CHLSN: variants seen among roughly 807,000 people sequenced by gnomAD.
CHLSN encodes the protein protein cholesin.
At chr7:1,118,149 T>C in the CHLSN span, among the ~76,000 whole-genome samples, 1 of 152,230 alleles carries the variant, frequency 6.6e-6, no homozygotes, top group South Asian at 2.1e-4. Context: ...GCTTCTGGGT[T>C]AAGCCAGAAA....
the CHLSN span, among the ~76,000 whole-genome samples, chr7:1,022,579 C>T: frequency 1.3e-5 from 2 of 152,220 alleles, no homozygotes; most frequent in African/African-American, 4.8e-5. Flanking sequence ...CCTCCCACGG[C>T]AACCCTCGCA....
At chr7:1,028,334 C>T in the CHLSN span, 8 of 1,022,956 alleles carry the variant, frequency 7.8e-6, no homozygotes, top group South Asian at 3.2e-5. Context: ...CACCGCCCGG[C>T]CCGCGCCTCC....
the CHLSN span, among the ~76,000 whole-genome samples, chr7:1,130,818 C>T: frequency 6.6e-5 from 10 of 152,196 alleles, no homozygotes; most frequent in African/African-American, 2.2e-4. Flanking sequence ...GCCTCCAGCC[C>T]GGACGGCTCA....
At chr7:1,012,221 C>T in the CHLSN span, among the ~76,000 whole-genome samples, 156 of 152,338 alleles carry the variant, frequency 1.0e-3, no homozygotes, top group Middle Eastern at 3.4e-3. Flanking sequence ...CCGCGGTGGC[C>T]GAGGGTCTGT....
At chr7:1,040,716 A>G in the CHLSN span, among the ~76,000 whole-genome samples, 1 of 151,270 alleles carries the variant, frequency 6.6e-6, no homozygotes, top group Admixed American at 6.6e-5. Flanking sequence ...GATAAATTAG[A>G]CTTCACCAAA....
At chr7:1,048,589 C>T in the CHLSN span, among the ~76,000 whole-genome samples, 4 of 152,102 alleles carry the variant, frequency 2.6e-5, no homozygotes, top group South Asian at 2.1e-4. Context: ...AAGTTAGCCC[C>T]GGGTTTCAGC....
chr7:983,334 C>A, the CHLSN span: 1 of 1,539,190 alleles, frequency 6.5e-7, no homozygotes. Context: ...TGCCGCTCGT[C>A]GGGAACCTGC....
At chr7:1,110,693 A>G in the CHLSN span, among the ~76,000 whole-genome samples, 1 of 152,258 alleles carries the variant, frequency 6.6e-6, no homozygotes, top group Non-Finnish European at 1.5e-5. Flanking sequence ...GGCAAAAGCC[A>G]TAAACACAAA....
At chr7:1,010,703 C>T in the CHLSN span, among the ~76,000 whole-genome samples, 1 of 152,168 alleles carries the variant, frequency 6.6e-6, no homozygotes, top group Non-Finnish European at 1.5e-5. Flanking sequence ...AATGTGTCCC[C>T]AGCCACATCT....
chr7:993,236 A>C, the CHLSN span, among the ~76,000 whole-genome samples: 1 of 152,082 alleles, frequency 6.6e-6, no homozygotes. Context: ...GCGCGTGGAG[A>C]GAGCGCCCGT....
At chr7:1,000,595 C>A in the CHLSN span, 2 of 1,509,278 alleles carry the variant, frequency 1.3e-6, no homozygotes, top group Non-Finnish European at 1.8e-6. Flanking sequence ...GGGCAAAAGA[C>A]TCCCGGGCAG....
At chr7:1,109,138 C>T in the CHLSN span, among the ~76,000 whole-genome samples, 2 of 152,044 alleles carry the variant, frequency 1.3e-5, no homozygotes, top group Admixed American at 6.6e-5. Flanking sequence ...CTCAGGTGAT[C>T]CACCCGCCAC....
At chr7:1,050,981 G>A in the CHLSN span, among the ~76,000 whole-genome samples, 7 of 152,252 alleles carry the variant, frequency 4.6e-5, no homozygotes, top group African/African-American at 7.2e-5. Context: ...GGGATGGACA[G>A]ATTGGCTGAG....
At chr7:1,018,466 G>A in the CHLSN span, among the ~76,000 whole-genome samples, 2 of 151,992 alleles carry the variant, frequency 1.3e-5, no homozygotes, top group African/African-American at 4.8e-5. Context: ...GAGACATGAC[G>A]AGGGAGTCGT....
chr7:1,047,018 T>G, the CHLSN span, among the ~76,000 whole-genome samples: 45 of 152,374 alleles, frequency 3.0e-4, no homozygotes, highest in African/African-American at 1.0e-3. Flanking sequence ...AGAGACTCTC[T>G]GTTCTTGGCC....
the CHLSN span, chr7:1,138,151 G>C: frequency 6.6e-6 from 1 of 151,802 alleles, no homozygotes; most frequent in Non-Finnish European, 1.5e-5. Flanking sequence ...CTGGCGCCCT[G>C]ACCCGCCGGC....
At chr7:1,124,825 T>C in the CHLSN span, among the ~76,000 whole-genome samples, 4 of 150,460 alleles carry the variant, frequency 2.7e-5, no homozygotes, top group East Asian at 5.9e-4. Context: ...AAATTCAAGG[T>C]GAGGCTCAGG....
chr7:999,842 G>A, the CHLSN span, among the ~76,000 whole-genome samples: 2 of 152,264 alleles, frequency 1.3e-5, no homozygotes, highest in Non-Finnish European at 2.9e-5. Context: ...CAGCCTCACA[G>A]GACATGGGCA....
chr7:1,118,213 G>A, the CHLSN span, among the ~76,000 whole-genome samples: 1 of 152,210 alleles, frequency 6.6e-6, no homozygotes, highest in African/African-American at 2.4e-5. Context: ...TATTAAAGAT[G>A]ATCACCTCTA....
Sources: gnomAD v4.1 joint callset for allele counts (sites outside exome capture counted in the v4.1 genomes callset) on GRCh38, gnomAD v4.1.1 for gene constraint, MANE v1.5 for transcripts, NCBI Gene and HGNC (gene_info 2026-07-23, HGNC 2026-07-21) for gene names.